The following PCDHA11 variants were observed in gnomAD, a reference collection of about 807,000 sequenced individuals.
PCDHA11 encodes the protein protocadherin alpha-11.
PCDHA11 carries 61 observed loss-of-function variants against 70.3 expected under a neutral mutation model. That is an observed-to-expected ratio of 0.87 (90% CI 0.71 to 1.07). The LOEUF (loss-of-function observed/expected upper bound fraction) is 1.07. Among genes scored for constraint, PCDHA11 ranks in the 50% least tolerant of loss-of-function variants. The pLI is 0.00. For missense variants in PCDHA11, 1,324 were observed against 1,237.5 expected (o/e 1.07, Z -1.05); for synonymous variants, 633 against 555.1 (o/e 1.14, Z -1.97).
intron 1 of PCDHA11, among the ~76,000 whole-genome samples, chr5:140,895,055 A>G (rs1313066261): frequency 6.6e-6 from 1 of 152,118 alleles, no homozygotes; most frequent in East Asian, 1.9e-4. Context: ...ATTCTGCTTC[A>G]TATGGACTCA....
rs148631412 is a variant in PCDHA11, at chr5:140,929,183, C to T, written c.2392-49766C>T. On this transcript the variant is annotated intron_variant, in intron 1 of 3. Transcript: ENST00000398640. ...TATCGGGCCTCTCTGGGACTTGGTT[C>T]TGATAATAACAGTTTGCTGTTGCGT... is the stretch of plus-strand genomic sequence containing the variant. 62 of 1,614,144 alleles carry T rather than the reference C, an allele frequency of 3.8e-5. No individual in the cohort carries two copies. The highest frequency in any genetic ancestry group is 4.8e-5 in the Non-Finnish European group (57 of 1,180,012).
At chr5:140,921,165 A>T (rs959305878) in intron 1 of PCDHA11, among the ~76,000 whole-genome samples, 1 of 151,798 alleles carries the variant, frequency 6.6e-6, no homozygotes, top group Non-Finnish European at 1.5e-5. Flanking sequence ...TTTTTTTAAC[A>T]CACATAAAGC....
intron 1 of PCDHA11, chr5:140,883,358 C>A (rs1554177826): frequency 6.2e-7 from 1 of 1,614,192 alleles, no homozygotes; most frequent in South Asian, 1.1e-5. Context: ...AGAAGACACT[C>A]AGCCTAGCGC....
chr5:140,923,665 C>T (rs369836298), intron 1 of PCDHA11, among the ~76,000 whole-genome samples: 77 of 152,288 alleles, frequency 5.1e-4, no homozygotes, highest in African/African-American at 1.6e-3. Flanking sequence ...TTTGGGATAT[C>T]GTTCTCTCTT....
At chr5:140,979,865 G>C (rs2096867408) in intron 2 of PCDHA11, among the ~76,000 whole-genome samples, 1 of 152,162 alleles carries the variant, frequency 6.6e-6, no homozygotes, top group Non-Finnish European at 1.5e-5. Flanking sequence ...CAAAATATCT[G>C]GGCAACTATC....
intron 1 of PCDHA11, chr5:140,877,206 C>G (rs782807049): frequency 6.2e-7 from 1 of 1,613,768 alleles, no homozygotes; most frequent in South Asian, 1.1e-5. Context: ...GCGCAGTTAG[C>G]GAGTTGGTAC....
intron 1 of PCDHA11, chr5:140,967,835 G>T: frequency 6.2e-7 from 1 of 1,614,142 alleles, no homozygotes; most frequent in Non-Finnish European, 8.5e-7. Flanking sequence ...GGACATCGTG[G>T]ACGTGAATGA....
At chr5:140,951,276 T>C (rs1554219829) in intron 1 of PCDHA11, among the ~76,000 whole-genome samples, 1 of 152,200 alleles carries the variant, frequency 6.6e-6, no homozygotes, top group African/African-American at 2.4e-5. Context: ...CTATGTTAGG[T>C]AATTTTGGAT....
chr5:140,994,303 C>T (rs13163241), intron 3 of PCDHA11, among the ~76,000 whole-genome samples: 9,825 of 152,220 alleles, frequency 0.065, 357 homozygotes, highest in East Asian at 0.12. Flanking sequence ...ATTGTTTTCA[C>T]AGGGCCCAAA....
Position 141,002,911 on chromosome 5 carries a change from G to C in PCDHA11, c.2540-6716G>C, listed in dbSNP as rs565172510. Among the ~76,000 whole-genome samples the C allele has an allele frequency of 3.3e-5, 5 of 152,330 alleles. No homozygotes were observed. The South Asian group carries it at 1.0e-3, about 32-fold the overall frequency. On this transcript the variant is annotated intron_variant, in intron 3 of 3. Transcript: ENST00000398640. ...ACAAAGCAAGATGAAGAGAAGATCA[G>C]AAAAGTGAACACCCTCCAACACCCT...
At chr5:140,920,851 A>C (rs1370021063) in intron 1 of PCDHA11, among the ~76,000 whole-genome samples, 1 of 152,008 alleles carries the variant, frequency 6.6e-6, no homozygotes, top group Non-Finnish European at 1.5e-5. Flanking sequence ...TAAAAAAAAA[A>C]AAAAAAACAA....
chr5:140,967,146 A>C, intron 1 of PCDHA11: 1 of 1,610,972 alleles, frequency 6.2e-7, no homozygotes, highest in Non-Finnish European at 8.5e-7. Flanking sequence ...CTGGCGCACA[A>C]CCCCGTGGCG....
chr5:140,875,313 C>T, intron 1 of PCDHA11: 3 of 1,425,730 alleles, frequency 2.1e-6, no homozygotes, highest in Non-Finnish European at 9.1e-7. Flanking sequence ...CACCCACATT[C>T]CAATCATTCA....
At position 140,944,452 on chromosome 5, in the gene PCDHA11, G is replaced by A. The variant is rs147335783; in HGVS notation, c.2392-34497G>A. 1.8e-3 allele frequency among the ~76,000 whole-genome samples: 280 copies of A among 152,282 alleles called. 3 individuals are homozygous for A. Among genetic ancestry groups the A allele is most frequent in the African/African-American group, 6.4e-3 (266 of 41,552 alleles). ...TCTGCCTGCCTCGGCCTCCCAAAGTGCTGGGATTACAGGTATGAGGCACTG... is the reference window on the plus strand; with the variant it reads ...TCTGCCTGCCTCGGCCTCCCAAAGTACTGGGATTACAGGTATGAGGCACTG... On this transcript the variant is annotated intron_variant, in intron 1 of 3. Coordinates refer to ENST00000398640, the MANE Select transcript of PCDHA11 (RefSeq NM_018902.5).
intron 1 of PCDHA11, among the ~76,000 whole-genome samples, chr5:140,950,449 T>G (rs1377637881): frequency 4.6e-5 from 7 of 152,088 alleles, no homozygotes; most frequent in African/African-American, 1.7e-4. Flanking sequence ...GTTATTCTAC[T>G]GTCTTCTAAT....
In PCDHA11 at chr5:140,870,338, T is replaced by C; in HGVS notation, c.1235T>C (p.Leu412Pro). Residue 412 changes from leucine (L) to proline (P), a missense_variant, in exon 1 of 4, where the codon CTG becomes CCG. Coordinates refer to ENST00000398640, the MANE Select transcript of PCDHA11 (RefSeq NM_018902.5). ...NYYSLVLDSA[L>P]DRENVWAYEL... ...TACTCGTTGGTGCTGGACAGCGCCC[T>C]GGACCGCGAGAACGTGTGGGCCTAT... 1 of 1,614,186 alleles carries C rather than the reference T, an allele frequency of 6.2e-7. No homozygotes were observed. The highest frequency in any genetic ancestry group is 8.5e-7 in the Non-Finnish European group (1 of 1,180,026).
In PCDHA11 at chr5:141,011,182, G is replaced by C. The variant is rs887034679; in HGVS notation, c.*1245G>C. The C allele has an allele frequency of 6.5e-6, 1 of 153,494 alleles. No individual in the cohort carries two copies. Among genetic ancestry groups the C allele is most frequent in the African/African-American group, 2.4e-5 (1 of 41,364 alleles). The allele number at this position is 153,494 out of a possible 1,614,324, so 9.5% of individuals were successfully genotyped here. A position where few individuals can be genotyped will look rare whatever the true frequency, so the allele number is the denominator to read the frequency against. On this transcript the variant is annotated 3_prime_UTR_variant, in exon 4 of 4. Coordinates refer to ENST00000398640, the MANE Select transcript of PCDHA11 (RefSeq NM_018902.5). The stretch of plus-strand genomic sequence containing the variant: ...TATATATCAAGACCCAAAAATTGAA[G>C]AAAAATATTGTTTTCTCATACAGTG...
At chr5:140,898,511 G>A (rs373963449) in intron 1 of PCDHA11, among the ~76,000 whole-genome samples, 16 of 151,912 alleles carry the variant, frequency 1.1e-4, no homozygotes, top group South Asian at 4.2e-4. Context: ...GATATGCGGC[G>A]TTATTTCTGA....
At position 140,870,188 on chromosome 5, in the gene PCDHA11, C is replaced by T; in HGVS notation, c.1085C>T (p.Ala362Val). The change falls in exon 1 of 4, where the codon GCT becomes GTT. Residue 362 changes from alanine to valine, a missense_variant. Coordinates refer to ENST00000398640, the MANE Select transcript of PCDHA11 (RefSeq NM_018902.5). ...TSLSLPVRED[A>V]QPSTVIALIS... Reference sequence around the variant, plus strand: ...TTGTCCCTCCCAGTACGAGAGGACGCTCAGCCCAGCACGGTCATTGCCCTG... The same window carrying T: ...TTGTCCCTCCCAGTACGAGAGGACGTTCAGCCCAGCACGGTCATTGCCCTG... 1 of 1,614,142 alleles carries T rather than the reference C, an allele frequency of 6.2e-7. No homozygotes were observed. The highest frequency in any genetic ancestry group is 8.5e-7 in the Non-Finnish European group (1 of 1,180,030).
Sources: allele counts gnomAD v4.1 joint callset (sites outside exome capture counted in the v4.1 genomes callset), GRCh38; gene constraint gnomAD v4.1.1; transcripts MANE v1.5; gene names NCBI Gene and HGNC (gene_info 2026-07-23, HGNC 2026-07-21).